FHIT: variants seen among roughly 807,000 people sequenced by gnomAD.
The protein encoded by FHIT is fragile histidine triad diadenosine triphosphatase.
Under a neutral mutation model 17.9 loss-of-function variants are expected in FHIT, and 19 were observed. The ratio of observed to expected loss-of-function variants is 1.06; its 90% CI spans 0.74 to 1.56. The LOEUF (loss-of-function observed/expected upper bound fraction) is 1.56, where lower values mean the gene tolerates loss of function less well. FHIT is among the 40% of genes most tolerant of loss of function. The pLI is 0.00. For missense variants in FHIT, 248 were observed against 189.2 expected (o/e 1.31, Z -1.82); for synonymous variants, 81 against 69.7 (o/e 1.16, Z -0.81).
At chr3:60,012,266 G>GTTTTTTTTTTTT (rs769497004) in intron 6 of FHIT, among the ~76,000 whole-genome samples, 3 of 112,476 alleles carry the variant, frequency 2.7e-5, no homozygotes, top group Non-Finnish European at 3.6e-5. Flanking sequence ...TTTTTTTGTT[G>GTTTTTTTTTTTT]TTTTTTTTTT....
chr3:60,461,192 G>A (rs1029460244), intron 5 of FHIT, among the ~76,000 whole-genome samples: 1 of 152,052 alleles, frequency 6.6e-6, no homozygotes, highest in Non-Finnish European at 1.5e-5. Context: ...ATTTTATCAA[G>A]TTATTAAATA....
intron 4 of FHIT, among the ~76,000 whole-genome samples, chr3:60,773,591 A>G (rs1055524286): frequency 8.5e-5 from 13 of 152,098 alleles, no homozygotes; most frequent in African/African-American, 3.1e-4. Flanking sequence ...GCAAATGACC[A>G]GACAACTACT....
intron 5 of FHIT, among the ~76,000 whole-genome samples, chr3:60,177,153 T>A (rs1701713430): frequency 6.6e-6 from 1 of 151,564 alleles, no homozygotes; most frequent in African/African-American, 2.4e-5. Flanking sequence ...ATTACACACA[T>A]GCTTCCCAGG....
At chr3:60,929,219 A>G (rs894376063) in intron 3 of FHIT, among the ~76,000 whole-genome samples, 4 of 152,230 alleles carry the variant, frequency 2.6e-5, no homozygotes, top group Non-Finnish European at 4.4e-5. Context: ...TCTCAAAATA[A>G]TAAGAGCTAT....
rs1215242703 is a variant in FHIT, at chr3:60,820,975, T to TTATTATTAG, written c.-18+943_-18+944insCTAATAATA. ...TGCTCCTACTTTCTTGCTATTATTATTATTATTATGGGGTTTTTTTGGCAG... is the reference window on the plus strand; with the variant it reads ...TGCTCCTACTTTCTTGCTATTATTATTATTATTAGTATTATTATGGGGTTTTTTTGGCAG... On this transcript the variant is annotated intron_variant, in intron 4 of 9. Transcript: ENST00000492590. Among the ~76,000 whole-genome samples, 12 of 151,140 alleles carry TTATTATTAG rather than the reference T, an allele frequency of 7.9e-5. 1 individual carries two copies. The highest frequency in any genetic ancestry group is 7.9e-4 in the Admixed American group (12 of 15,136).
At chr3:59,896,291 G>A (rs572015260) in intron 8 of FHIT, among the ~76,000 whole-genome samples, 3 of 152,210 alleles carry the variant, frequency 2.0e-5, no homozygotes, top group Admixed American at 6.5e-5. Context: ...GGAATAAATC[G>A]ATGAAATAAA....
chr3:60,591,760 G>T (rs530093552), intron 4 of FHIT, among the ~76,000 whole-genome samples: 1 of 151,920 alleles, frequency 6.6e-6, no homozygotes, highest in Admixed American at 6.6e-5. Flanking sequence ...GGCAGAAGAG[G>T]GTGCTTTCCA....
At chr3:60,212,664 A>G (rs1317921005) in intron 5 of FHIT, among the ~76,000 whole-genome samples, 2 of 152,134 alleles carry the variant, frequency 1.3e-5, no homozygotes, top group Non-Finnish European at 2.9e-5. Flanking sequence ...ATCTATGGGG[A>G]GAGGAATATT....
At chr3:60,059,311 G>A (rs1372274918) in intron 5 of FHIT, among the ~76,000 whole-genome samples, 1 of 152,112 alleles carries the variant, frequency 6.6e-6, no homozygotes, top group Admixed American at 6.5e-5. Context: ...CTGGAAAAGG[G>A]AAGAAAGCCT....
At chr3:60,995,567 A>G (rs1454859845) in intron 3 of FHIT, among the ~76,000 whole-genome samples, 1 of 152,124 alleles carries the variant, frequency 6.6e-6, no homozygotes, top group Non-Finnish European at 1.5e-5. Context: ...CCCTCTCCCC[A>G]GACCGTGACC....
At chr3:60,870,968 C>T (rs1704391097) in intron 3 of FHIT, among the ~76,000 whole-genome samples, 1 of 152,054 alleles carries the variant, frequency 6.6e-6, no homozygotes, top group Non-Finnish European at 1.5e-5. Context: ...GGAGCATTTC[C>T]TCGTTGATGT....
At chr3:59,766,111 G>C (rs1436454991) in intron 8 of FHIT, among the ~76,000 whole-genome samples, 1 of 152,062 alleles carries the variant, frequency 6.6e-6, no homozygotes, top group African/African-American at 2.4e-5. Flanking sequence ...TTTTTGTGTG[G>C]GACTATCATA....
chr3:60,912,824 T>A (rs1575679961), intron 3 of FHIT: 1 of 510,986 alleles, frequency 2.0e-6, no homozygotes, highest in South Asian at 1.4e-5. Context: ...TTGCTCTTTT[T>A]TAAAAAGCTA....
At chr3:60,489,774 G>C (rs1340437425) in intron 5 of FHIT, among the ~76,000 whole-genome samples, 2 of 152,128 alleles carry the variant, frequency 1.3e-5, no homozygotes, top group African/African-American at 2.4e-5. Flanking sequence ...GTCTTTTTCA[G>C]TTTTGGCAGG....
intron 7 of FHIT, among the ~76,000 whole-genome samples, chr3:59,946,811 C>T (rs1285113712): frequency 6.6e-6 from 1 of 152,162 alleles, no homozygotes; most frequent in Non-Finnish European, 1.5e-5. Flanking sequence ...TGATGAATCA[C>T]ATTTATTGAT....
At chr3:60,614,841 TGTTTTTTG>T (rs2038903988) in intron 4 of FHIT, among the ~76,000 whole-genome samples, 3 of 79,544 alleles carry the variant, frequency 3.8e-5, no homozygotes, top group Non-Finnish European at 5.4e-5. Context: ...GTTTTTTTTT[TGTTTTTTG>T]AGATGGAGCC....
Position 59,899,251 on chromosome 3 carries a change from C to A in FHIT, c.348+23095G>T, listed in dbSNP as rs9851038. ...CACATGAGATGATGTAGGTCAAACACTGAACTTCTCAGACACTTTTCACAA... is the reference window on the plus strand; with the variant it reads ...CACATGAGATGATGTAGGTCAAACAATGAACTTCTCAGACACTTTTCACAA... On this transcript the variant is annotated intron_variant, in intron 8 of 9. Coordinates refer to ENST00000492590, the MANE Select transcript of FHIT (RefSeq NM_002012.4). 2.6e-5 allele frequency among the ~76,000 whole-genome samples: 4 copies of A among 152,162 alleles called. No homozygotes were observed. In the East Asian group the frequency reaches 5.8e-4, roughly 22 times the overall value.
intron 3 of FHIT, among the ~76,000 whole-genome samples, chr3:60,895,442 G>A (rs1705741149): frequency 6.6e-6 from 1 of 152,266 alleles, no homozygotes; most frequent in South Asian, 2.1e-4. Flanking sequence ...TGTATGGGAA[G>A]ACTTTTTTCT....
intron 4 of FHIT, among the ~76,000 whole-genome samples, chr3:60,699,486 C>G (rs987122834): frequency 3.9e-5 from 6 of 152,024 alleles, no homozygotes; most frequent in Non-Finnish European, 7.4e-5. Flanking sequence ...GAGAGTTTTA[C>G]TGGTGTTTTA....
Sources: gnomAD v4.1 joint callset for allele counts (sites outside exome capture counted in the v4.1 genomes callset) on GRCh38, gnomAD v4.1.1 for gene constraint, MANE v1.5 for transcripts, NCBI Gene and HGNC (gene_info 2026-07-23, HGNC 2026-07-21) for gene names.